The following ENTREP2 variants were observed in gnomAD, a reference collection of about 807,000 sequenced individuals.
ENTREP2 encodes protein ENTREP2.
At chr15:29,377,511 G>A in the ENTREP2 span, among the ~76,000 whole-genome samples, 13 of 152,126 alleles carry the variant, frequency 8.5e-5, no homozygotes, top group African/African-American at 3.1e-4. Flanking sequence ...AGAGAAGACA[G>A]GGGCAGCTGC....
the ENTREP2 span, among the ~76,000 whole-genome samples, chr15:29,301,032 G>A: frequency 6.6e-6 from 1 of 152,244 alleles, no homozygotes; most frequent in Admixed American, 6.5e-5. Flanking sequence ...GTTCTAGGGA[G>A]AAGGACTGAA....
At chr15:29,475,866 G>A in the ENTREP2 span, among the ~76,000 whole-genome samples, 1 of 152,310 alleles carries the variant, frequency 6.6e-6, no homozygotes, top group South Asian at 2.1e-4. Flanking sequence ...CTACGGAAGG[G>A]CGAGCTGACC....
chr15:29,605,597 G>A, the ENTREP2 span, among the ~76,000 whole-genome samples: 1 of 152,174 alleles, frequency 6.6e-6, no homozygotes. Context: ...AGCACTTTGG[G>A]AGACCAAGGC....
At chr15:29,367,612 T>C in the ENTREP2 span, among the ~76,000 whole-genome samples, 2 of 152,148 alleles carry the variant, frequency 1.3e-5, no homozygotes, top group African/African-American at 2.4e-5. Context: ...CATGCATGCA[T>C]AGCGCTGTGC....
chr15:29,610,074 G>A, the ENTREP2 span: 1 of 150,446 alleles, frequency 6.6e-6, no homozygotes, highest in Non-Finnish European at 1.5e-5. Flanking sequence ...ACTCTACTGG[G>A]GCCTGGGGAT....
At chr15:29,246,085 T>C in the ENTREP2 span, among the ~76,000 whole-genome samples, 1 of 152,218 alleles carries the variant, frequency 6.6e-6, no homozygotes, top group Non-Finnish European at 1.5e-5. Context: ...TGTTGAGTAA[T>C]GAATATGTAC....
the ENTREP2 span, among the ~76,000 whole-genome samples, chr15:29,630,207 C>T: frequency 6.6e-6 from 1 of 152,028 alleles, no homozygotes; most frequent in Non-Finnish European, 1.5e-5. Context: ...TGTCTTTATC[C>T]TTCAGAAATA....
At chr15:29,487,869 T>G in the ENTREP2 span, among the ~76,000 whole-genome samples, 1 of 152,200 alleles carries the variant, frequency 6.6e-6, no homozygotes, top group Non-Finnish European at 1.5e-5. Context: ...ATTTTTCTAT[T>G]TTTAGTAGAG....
chr15:29,259,200 G>C, the ENTREP2 span, among the ~76,000 whole-genome samples: 2 of 152,150 alleles, frequency 1.3e-5, no homozygotes, highest in Admixed American at 6.5e-5. Flanking sequence ...AATTAGTTTG[G>C]AAAAGTCACT....
the ENTREP2 span, among the ~76,000 whole-genome samples, chr15:29,667,514 A>T: frequency 8.6e-6 from 1 of 115,648 alleles, no homozygotes. Flanking sequence ...TTTTTGAGAT[A>T]GAGTTTCGTT....
chr15:29,439,284 TACAC>T, the ENTREP2 span, among the ~76,000 whole-genome samples: 5,059 of 96,890 alleles, frequency 0.052, 102 homozygotes, highest in Admixed American at 0.081. Context: ...AAATTGGAAT[TACAC>T]ACACACACAC....
the ENTREP2 span, among the ~76,000 whole-genome samples, chr15:29,494,214 A>G: frequency 6.6e-6 from 1 of 151,866 alleles, no homozygotes; most frequent in Non-Finnish European, 1.5e-5. Context: ...AAAAAAAAAA[A>G]CTTTAAAAAC....
At chr15:29,233,538 A>C in the ENTREP2 span, 1 of 551,744 alleles carries the variant, frequency 1.8e-6, no homozygotes, top group African/African-American at 1.9e-5. Context: ...GGCCAAACAG[A>C]CCTTTTGTAT....
the ENTREP2 span, among the ~76,000 whole-genome samples, chr15:29,232,259 A>C: frequency 0.32 from 49,257 of 152,016 alleles, 9,578 homozygotes; most frequent in East Asian, 0.6. Flanking sequence ...TTAGTTTCTG[A>C]ATATTTCTCT....
the ENTREP2 span, among the ~76,000 whole-genome samples, chr15:29,248,907 C>T: frequency 0.57 from 87,182 of 152,040 alleles, 25,140 homozygotes; most frequent in South Asian, 0.62. Flanking sequence ...AAAAAGGATT[C>T]AATTTGTATA....
the ENTREP2 span, among the ~76,000 whole-genome samples, chr15:29,508,711 C>G: frequency 6.6e-6 from 1 of 152,118 alleles, no homozygotes; most frequent in South Asian, 2.1e-4. Flanking sequence ...CCCCTTCATG[C>G]TAAAAACTGT....
chr15:29,270,658 AAAAG>A, the ENTREP2 span, among the ~76,000 whole-genome samples: 2 of 152,216 alleles, frequency 1.3e-5, no homozygotes, highest in East Asian at 1.9e-4. Flanking sequence ...TTGAGGAAAA[AAAAG>A]AGAACACTGG....
chr15:29,337,262 T>C, the ENTREP2 span, among the ~76,000 whole-genome samples: 8 of 152,110 alleles, frequency 5.3e-5, no homozygotes, highest in African/African-American at 1.9e-4. Context: ...GGACTGTCAA[T>C]CCATTTCCAT....
chr15:29,472,428 A>ACAACACAC, the ENTREP2 span, among the ~76,000 whole-genome samples: 2 of 140,622 alleles, frequency 1.4e-5, no homozygotes, highest in Non-Finnish European at 3.1e-5. Flanking sequence ...CACAACACAC[A>ACAACACAC]ACACACACAC....
Sources: gnomAD v4.1 joint callset for allele counts (sites outside exome capture counted in the v4.1 genomes callset) on GRCh38, gnomAD v4.1.1 for gene constraint, MANE v1.5 for transcripts, NCBI Gene and HGNC (gene_info 2026-07-23, HGNC 2026-07-21) for gene names.